Variants in TEX11 observed in about 807,000 individuals in gnomAD.
The protein encoded by TEX11 is testis expressed 11.
TEX11 carries 7 observed loss-of-function variants against 84.4 expected under a neutral mutation model. The observed-to-expected ratio is 0.08, with a 90% CI of 0.05 to 0.16. TEX11 has a LOEUF of 0.16. Among genes scored for constraint, TEX11 ranks in the 10% least tolerant of loss-of-function variants. The pLI, the probability that TEX11 is intolerant of heterozygous loss-of-function variation, is 1.00. For synonymous variants in TEX11, 264 were observed against 222.8 expected, an observed-to-expected ratio of 1.18 and a Z score of -1.64; for missense variants, 551 against 660.5, an observed-to-expected ratio of 0.83 and a Z score of 1.82.
At chrX:70,848,747 C>CTT (rs760155070) in intron 7 of TEX11, among the ~76,000 whole-genome samples, 81 of 111,445 alleles carry the variant, frequency 7.3e-4, no homozygotes, top group African/African-American at 2.6e-3. Flanking sequence ...AACCAAAGTC[C>CTT]TTGATATAAT....
chrX:70,566,988 C>T (rs2088493112), intron 25 of TEX11, among the ~76,000 whole-genome samples: 1 of 111,481 alleles, frequency 9.0e-6, no homozygotes, highest in Non-Finnish European at 1.9e-5. Context: ...GGTACCGGTT[C>T]CTCCTTGTAC....
rs188964127 is a variant in TEX11 at position 70,897,047 on chromosome X, G to A, written c.37+10706C>T. 1.7e-4 allele frequency among the ~76,000 whole-genome samples: 17 copies of A among 101,650 alleles called. No homozygotes were observed. In the East Asian group the frequency reaches 3.2e-3, roughly 19 times the overall value. 88.3% of individuals were successfully genotyped at this position (101,650 alleles called of 115,157 possible). ...CTCAGGAGGCTGAGGCAAGAGGATC[G>A]CTTGAACCCAAGAAGCAGAGGTTGT... On this transcript the variant is annotated intron_variant, in intron 2 of 29. Transcript: ENST00000374333.
chrX:70,731,935 C>T (rs1377017153), intron 11 of TEX11, among the ~76,000 whole-genome samples: 4 of 111,876 alleles, frequency 3.6e-5, no homozygotes, highest in African/African-American at 1.3e-4. Context: ...TTCAGCAGCA[C>T]ATCAAAAAGC....
At chrX:70,579,368 G>A (rs1247797610) in intron 25 of TEX11, among the ~76,000 whole-genome samples, 20 of 106,742 alleles carry the variant, frequency 1.9e-4, no homozygotes, top group Middle Eastern at 4.8e-3. Context: ...GGTGGCGGGC[G>A]CCTGTAGTCC....
At chrX:70,514,584 G>A in the TEX11 span, among the ~76,000 whole-genome samples, 1 of 82,535 alleles carries the variant, frequency 1.2e-5, no homozygotes, top group African/African-American at 5.4e-5. Flanking sequence ...TCAGAGCCGA[G>A]ACTCCATCTA....
Position 70,564,034 on chromosome X carries a change from G to C in TEX11, c.2141-9234C>G, listed in dbSNP as rs188031815. Among the ~76,000 whole-genome samples, 4 of 112,196 alleles carry C rather than the reference G, an allele frequency of 3.6e-5. No individual in the cohort carries two copies. In the East Asian group the frequency reaches 8.4e-4, roughly 24 times the overall value. On this transcript the variant is annotated intron_variant, in intron 25 of 29. Transcript: ENST00000374333. ...ACCTGAGGTCAGGAGTTCAAGACCA[G>C]CCTTGCCAACATGGTGAAACCCCAT...
chrX:70,750,935 T>TATATATATATATATATATAA (rs2090817517), intron 9 of TEX11, among the ~76,000 whole-genome samples: 1 of 28,887 alleles, frequency 3.5e-5, no homozygotes, highest in East Asian at 2.2e-3. Flanking sequence ...AAAAAAAAAA[T>TATATATATATATATATATAA]ATATATATAT....
intron 25 of TEX11, 137 bp downstream of exon 25, chrX:70,591,614 C>G: frequency 2.2e-6 from 1 of 463,795 alleles, no homozygotes; most frequent in Non-Finnish European, 3.6e-6. Context: ...AAAAAACAAA[C>G]AAAACAACAG....
chrX:70,826,934 A>G (rs2091350100), intron 8 of TEX11, among the ~76,000 whole-genome samples: 1 of 111,342 alleles, frequency 9.0e-6, no homozygotes, highest in Non-Finnish European at 1.9e-5. Context: ...AACAGCTGGC[A>G]CAGCAAAGGG....
intron 9 of TEX11, among the ~76,000 whole-genome samples, chrX:70,769,230 A>C (rs933372881): frequency 9.0e-6 from 1 of 111,677 alleles, no homozygotes; most frequent in Non-Finnish European, 1.9e-5. Context: ...TACAATGGAA[A>C]TAAATGAAAT....
chrX:70,751,112 C>G (rs1602097688), intron 9 of TEX11, among the ~76,000 whole-genome samples: 1 of 104,173 alleles, frequency 9.6e-6, no homozygotes, highest in South Asian at 4.6e-4. Flanking sequence ...ACCATTTGAC[C>G]TAGCCCTCCC....
At chrX:70,517,125 CCT>C in the TEX11 span, among the ~76,000 whole-genome samples, 1 of 111,258 alleles carries the variant, frequency 9.0e-6, no homozygotes, top group South Asian at 3.9e-4. Context: ...CTTTCTCTTC[CCT>C]GATTGCCCTG....
intron 9 of TEX11, among the ~76,000 whole-genome samples, chrX:70,796,348 A>C (rs1162379727): frequency 8.9e-6 from 1 of 111,849 alleles, no homozygotes; most frequent in Admixed American, 9.5e-5. Context: ...AAGATCTAGA[A>C]TATAGCCTCA....
At position 70,648,527 on chromosome X, in the gene TEX11, A is replaced by G. The variant is rs1004609141; in HGVS notation, c.1483+2923T>C. On this transcript the variant is annotated intron_variant, in intron 17 of 29. Coordinates refer to ENST00000374333, the MANE Select transcript of TEX11 (RefSeq NM_031276.3). ...AAAAAAGACAACTTGTATCCAGAATATATAAAGAACTGTCAAAAATCAGTA... is the reference window on the plus strand; with the variant it reads ...AAAAAAGACAACTTGTATCCAGAATGTATAAAGAACTGTCAAAAATCAGTA... Among the ~76,000 whole-genome samples, 24 of 111,257 alleles carry G rather than the reference A, an allele frequency of 2.2e-4. No homozygotes were observed. The Admixed American group carries it at 2.3e-3, about 11-fold the overall frequency.
chrX:70,742,854 T>C (rs1172277093), intron 10 of TEX11, among the ~76,000 whole-genome samples: 3 of 110,869 alleles, frequency 2.7e-5, no homozygotes, highest in Non-Finnish European at 5.7e-5. Flanking sequence ...TGGCTTAGCC[T>C]CCTGAGTAGC....
At chrX:70,897,666 AAAC>A (rs2091778183) in intron 2 of TEX11, 1 of 80,213 alleles carries the variant, frequency 1.2e-5, no homozygotes, top group Non-Finnish European at 2.4e-5. Context: ...GAAGGAAGGA[AAAC>A]AAAGAAAGAA....
At chrX:70,773,166 G>T (rs1192603246) in intron 9 of TEX11, among the ~76,000 whole-genome samples, 2 of 110,739 alleles carry the variant, frequency 1.8e-5, no homozygotes, top group Non-Finnish European at 3.8e-5. Flanking sequence ...TCCAGACCAT[G>T]AAGCCCAAAG....
chrX:70,604,600 A>G (rs923091107), intron 24 of TEX11, among the ~76,000 whole-genome samples: 2 of 111,487 alleles, frequency 1.8e-5, no homozygotes, highest in African/African-American at 6.5e-5. Flanking sequence ...AAAGAACAAT[A>G]TGAAATAAGA....
chrX:70,713,464 G>T lies in TEX11; in HGVS notation c.1004+9154C>A, dbSNP rs770220547. Among the ~76,000 whole-genome samples, 254 of 111,501 alleles carry T rather than the reference G, an allele frequency of 2.3e-3. 2 individuals carry two copies. Among genetic ancestry groups the T allele is most frequent in the Non-Finnish European group, 3.3e-3 (177 of 53,033 alleles). ...TAAGCTATTGATTATTGCCTCAATG[G>T]CAGAGCCTGTTATTGGTCTATTCAG... On this transcript the variant is annotated intron_variant, in intron 13 of 29. Coordinates refer to ENST00000374333, the MANE Select transcript of TEX11 (RefSeq NM_031276.3).
Sources: allele counts gnomAD v4.1 joint callset (sites outside exome capture counted in the v4.1 genomes callset), GRCh38; gene constraint gnomAD v4.1.1; transcripts MANE v1.5; gene names NCBI Gene and HGNC (gene_info 2026-07-23, HGNC 2026-07-21).